The following ARHGEF18 variants were observed in gnomAD, a reference collection of about 807,000 sequenced individuals.
The protein encoded by ARHGEF18 is rho guanine nucleotide exchange factor 18.
A neutral mutation model predicts 155.7 loss-of-function variants in ARHGEF18; 93 were observed. That is an observed-to-expected ratio of 0.60 (90% CI 0.50 to 0.71). The LOEUF is 0.71. Among genes scored for constraint, ARHGEF18 ranks in the 30% least tolerant of loss-of-function variants. ARHGEF18 has a pLI of 0.00. For synonymous variants in ARHGEF18, 742 were observed against 753.1 expected (o/e 0.99, Z 0.24); for missense variants, 1,593 against 1,816.1 (o/e 0.88, Z 2.23).
chr19:7,364,359 G>A (rs1319552427), intron 2 of ARHGEF18, among the ~76,000 whole-genome samples: 1 of 82,316 alleles, frequency 1.2e-5, no homozygotes, highest in Non-Finnish European at 2.3e-5. Flanking sequence ...AAGGAAGGAG[G>A]GAAGGAAAGG....
At chr19:7,388,514 G>A (rs1315976851) in intron 10 of ARHGEF18, among the ~76,000 whole-genome samples, 2 of 152,022 alleles carry the variant, frequency 1.3e-5, no homozygotes, top group South Asian at 4.2e-4. Context: ...CTCAAGTCAG[G>A]GTTTGAACTC....
Position 7,388,386 on chromosome 19 carries a change from G to A in ARHGEF18, c.967+5183G>A, listed in dbSNP as rs139807843. ...TGGGATTACTGGTATGAACTACTGA[G>A]CCCGGTCTGTAAGTGCTCTAAACCG... is the stretch of plus-strand genomic sequence containing the variant. On this transcript the variant is annotated intron_variant, in intron 10 of 28. Transcript: ENST00000668164. Among the ~76,000 whole-genome samples, 527 of 151,762 alleles carry A rather than the reference G, an allele frequency of 3.5e-3. 3 individuals are homozygous for A. Among genetic ancestry groups the A allele is most frequent in the African/African-American group, 0.012 (502 of 41,418 alleles).
chr19:7,369,456 C>T (rs1471537480), intron 2 of ARHGEF18, among the ~76,000 whole-genome samples: 2 of 146,556 alleles, frequency 1.4e-5, no homozygotes, highest in South Asian at 2.2e-4. Context: ...AGTGAAACTC[C>T]GTCTCAGGAA....
intron 10 of ARHGEF18, among the ~76,000 whole-genome samples, chr19:7,406,421 C>A (rs1972310552): frequency 6.6e-6 from 1 of 152,118 alleles, no homozygotes; most frequent in Non-Finnish European, 1.5e-5. Flanking sequence ...AATCTGAATT[C>A]TCTGTGAATA....
At position 7,348,994 on chromosome 19, in the gene ARHGEF18, C is replaced by T. The variant is rs1179499885; in HGVS notation, c.-358C>T. On this transcript the variant is annotated 5_prime_UTR_variant, in exon 1 of 29. Coordinates refer to ENST00000668164, the MANE Select transcript of ARHGEF18 (RefSeq NM_001367823.1). ...GAGCAGGGCTCTCTGCCTCCAGAAC[C>T]CCCATCCTCTGGGCTCTTTTTAGGC... 2.0e-5 allele frequency: 3 copies of T among 152,420 alleles called. No individual in the cohort carries two copies. The East Asian group carries it at 5.8e-4, about 29-fold the overall frequency. The allele number at this position is 152,420 out of a possible 1,614,324, so 9.4% of individuals were successfully genotyped here.
chr19:7,358,855 A>T (rs1250848058), intron 1 of ARHGEF18, among the ~76,000 whole-genome samples: 1 of 152,216 alleles, frequency 6.6e-6, no homozygotes, highest in African/African-American at 2.4e-5. Context: ...ACTAAGCCAG[A>T]CATATAGAAA....
chr19:7,439,559 G>A (rs1377137199), intron 10 of ARHGEF18: 3 of 423,478 alleles, frequency 7.1e-6, no homozygotes, highest in African/African-American at 2.1e-5. Flanking sequence ...GAACAGATGG[G>A]TGTAGACAGC....
intron 10 of ARHGEF18, among the ~76,000 whole-genome samples, chr19:7,392,276 G>C (rs1971449337): frequency 6.8e-6 from 1 of 148,056 alleles, no homozygotes; most frequent in African/African-American, 2.5e-5. Context: ...CATAAATGCA[G>C]AATGGTTGGA....
intron 20 of ARHGEF18, among the ~76,000 whole-genome samples, chr19:7,460,873 C>G (rs1317285616): frequency 6.6e-6 from 1 of 151,694 alleles, no homozygotes; most frequent in Non-Finnish European, 1.5e-5. Context: ...ACTGCAAGCT[C>G]TGCCTATCAG....
Position 7,470,030 on chromosome 19 carries a change from G to T in ARHGEF18, c.3913+1G>T, listed in dbSNP as rs781649011. The T allele has an allele frequency of 6.2e-7, 1 of 1,612,608 alleles. No individual in the cohort carries two copies. Among genetic ancestry groups the T allele is most frequent in the Non-Finnish European group, 8.5e-7 (1 of 1,179,776 alleles). ...AGACACAGTCCTGCGCCCCCACCAG[G>T]TGAGCCCCCACCCCCTGACATGAGC... On this transcript the variant is annotated splice_donor_variant, in intron 28 of 28. Transcript: ENST00000668164. LOFTEE classifies it high-confidence loss of function. The surrounding 1 kb of genome is among the most constrained non-coding windows in gnomAD (Gnocchi z 5.9).
At chr19:7,349,400 A>G (rs551837512) in intron 1 of ARHGEF18, among the ~76,000 whole-genome samples, 159 bp downstream of exon 1, 2 of 151,850 alleles carry the variant, frequency 1.3e-5, no homozygotes, top group Non-Finnish European at 2.9e-5. Context: ...AAGCTGTTTG[A>G]CCCTTGCGTT....
intron 20 of ARHGEF18, among the ~76,000 whole-genome samples, chr19:7,461,541 C>G (rs1301680773): frequency 6.6e-6 from 1 of 152,046 alleles, no homozygotes; most frequent in Non-Finnish European, 1.5e-5. Flanking sequence ...CAGAGCGAGA[C>G]TCCTTCTCAA....
Position 7,385,915 on chromosome 19 carries a change from CCTCT to C in ARHGEF18, c.967+2730_967+2733del, listed in dbSNP as rs150705901. 3.5e-3 allele frequency among the ~76,000 whole-genome samples: 117 copies of C among 33,726 alleles called. 1 individual carries two copies. Among genetic ancestry groups the C allele is most frequent in the African/African-American group, 0.024 (86 of 3,550 alleles). 22.1% of individuals were successfully genotyped at this position (33,726 alleles called of 152,430 possible). ...CCCTCCCTCTCTCTCTCCCTCTCTC[CCTCT>C]CTCTCTCTCTCTCTCTCCCCCTCTC... On this transcript the variant is annotated intron_variant, in intron 10 of 28. Transcript: ENST00000668164.
intron 10 of ARHGEF18, among the ~76,000 whole-genome samples, chr19:7,421,428 T>G (rs1050369407): frequency 6.6e-6 from 1 of 152,098 alleles, no homozygotes; most frequent in Admixed American, 6.6e-5. Context: ...ACCCCCCTCT[T>G]CTTTTCTGTT....
At chr19:7,469,175 T>G (rs1976857768) in intron 27 of ARHGEF18, 44 bp downstream of exon 27, 1 of 1,526,544 alleles carries the variant, frequency 6.6e-7, no homozygotes, top group Admixed American at 2.0e-5. Context: ...AAGGTGCAAC[T>G]GGTCAGGCTC....
At chr19:7,383,255 T>C (rs1250635023) in intron 10 of ARHGEF18, 52 bp downstream of exon 10, 5 of 1,231,722 alleles carry the variant, frequency 4.1e-6, no homozygotes, top group Non-Finnish European at 5.1e-6. Context: ...CTTTCTCTTC[T>C]TCACGTCCTT....
At chr19:7,377,283 C>T (rs532639290) in intron 5 of ARHGEF18, among the ~76,000 whole-genome samples, 2 of 152,172 alleles carry the variant, frequency 1.3e-5, no homozygotes, top group South Asian at 2.1e-4. Flanking sequence ...GTTGGCCAGG[C>T]TGGTCTCAAA....
chr19:7,466,829 TAAAAAA>T, intron 23 of ARHGEF18, 83 bp from the exon 24 acceptor site: 6 of 900,716 alleles, frequency 6.7e-6, no homozygotes, highest in Non-Finnish European at 9.3e-6. Flanking sequence ...AAAAAAAAGT[TAAAAAA>T]AAAGAAGAAG....
In ARHGEF18 at chr19:7,467,476, G is replaced by A. The variant is rs1176472655; in HGVS notation, c.3272G>A (p.Arg1091His). 3.4e-6 allele frequency: 5 copies of A among 1,469,330 alleles called. No individual in the cohort carries two copies. The highest frequency in any genetic ancestry group is 1.4e-5 in the South Asian group (1 of 74,064). The allele number at this position is 1,469,330 out of a possible 1,614,324, so 91.0% of individuals were successfully genotyped here. A position where few individuals can be genotyped will look rare whatever the true frequency, so the allele number is the denominator to read the frequency against. The part of the protein sequence containing the change: ...LERAGARLQE[R>H]EGEARQLRER... ...CGTGCGGGCGCGCGGCTGCAGGAGC[G>A]CGAGGGCGAGGCGCGGCAGCTACGC... is the stretch of plus-strand genomic sequence containing the variant. Residue 1091 changes from arginine (R) to histidine (H), a missense_variant, in exon 26 of 29, where the codon CGC becomes CAC. Arg to His is a conservative substitution (Grantham distance 29). Transcript: ENST00000668164.
Sources: gnomAD v4.1 joint callset for allele counts (sites outside exome capture counted in the v4.1 genomes callset) on GRCh38, gnomAD v4.1.1 for gene constraint, Gnocchi (gnomAD v3.1) non-coding constraint, MANE v1.5 for transcripts, NCBI Gene and HGNC (gene_info 2026-07-23, HGNC 2026-07-21) for gene names.